The following GALNT13 variants were observed in gnomAD, a reference collection of about 807,000 sequenced individuals.
The protein encoded by GALNT13 is UDP-GalNAc:polypeptide N-acetylgalactosaminyltransferase 13.
GALNT13 carries 28 observed loss-of-function variants against 64.2 expected under a neutral mutation model. The observed-to-expected ratio is 0.44, with a 90% CI of 0.32 to 0.60. GALNT13 has a LOEUF of 0.60. Ranked by LOEUF, GALNT13 falls within the 20% of genes least tolerant of loss-of-function variation. The pLI is 0.05. For synonymous variants in GALNT13, 214 were observed against 224.6 expected (o/e 0.95, Z 0.42); for missense variants, 577 against 669.8 (o/e 0.86, Z 1.53).
the GALNT13 span, among the ~76,000 whole-genome samples, chr2:153,470,174 G>GA: frequency 6.6e-6 from 1 of 152,092 alleles, no homozygotes; most frequent in Non-Finnish European, 1.5e-5. Context: ...CTAGGCTTTG[G>GA]ATCCATTGAG....
the GALNT13 span, among the ~76,000 whole-genome samples, chr2:153,553,636 G>T: frequency 9.9e-5 from 15 of 152,214 alleles, no homozygotes; most frequent in Non-Finnish European, 2.2e-4. Context: ...AGAGTTTAAA[G>T]ATATAAAATT....
chr2:154,212,705 C>T (rs924845370), intron 4 of GALNT13, among the ~76,000 whole-genome samples: 1 of 151,976 alleles, frequency 6.6e-6, no homozygotes, highest in Non-Finnish European at 1.5e-5. Context: ...TGTTCCCCTC[C>T]TTCTTCCCCC....
the GALNT13 span, among the ~76,000 whole-genome samples, chr2:153,118,098 A>G: frequency 0.33 from 41,626 of 126,252 alleles, 6,116 homozygotes; most frequent in Middle Eastern, 0.4. Flanking sequence ...CTATAATGTC[A>G]CTATGTACCA....
the GALNT13 span, among the ~76,000 whole-genome samples, chr2:153,747,430 T>TG: frequency 7.2e-6 from 1 of 138,646 alleles, no homozygotes; most frequent in African/African-American, 2.9e-5. Context: ...TGGTTTTTTT[T>TG]TTTTTTTTTT....
At chr2:153,734,724 C>G in the GALNT13 span, among the ~76,000 whole-genome samples, 1 of 152,152 alleles carries the variant, frequency 6.6e-6, no homozygotes, top group Non-Finnish European at 1.5e-5. Flanking sequence ...GACTGTGACT[C>G]TAGATGCAAG....
the GALNT13 span, among the ~76,000 whole-genome samples, chr2:153,228,612 G>A: frequency 2.0e-5 from 3 of 151,958 alleles, no homozygotes; most frequent in Admixed American, 2.0e-4. Context: ...GGGCACAGTG[G>A]CTCTGTAATC....
the GALNT13 span, among the ~76,000 whole-genome samples, chr2:153,247,996 C>T: frequency 6.6e-6 from 1 of 152,154 alleles, no homozygotes; most frequent in African/African-American, 2.4e-5. Context: ...CAAACACCCT[C>T]CCAGGACTAA....
At chr2:154,181,993 C>T (rs1395810537) in intron 4 of GALNT13, among the ~76,000 whole-genome samples, 13 of 151,916 alleles carry the variant, frequency 8.6e-5, no homozygotes, top group Non-Finnish European at 1.5e-5. Flanking sequence ...ATAAGATTAA[C>T]AGTGATAACA....
intron 9 of GALNT13, among the ~76,000 whole-genome samples, chr2:154,311,394 G>A (rs201745843): frequency 3.3e-5 from 5 of 152,074 alleles, no homozygotes; most frequent in East Asian, 1.9e-4. Flanking sequence ...GGTAGGATCC[G>A]TGATGCCCCA....
At chr2:153,365,924 A>T in the GALNT13 span, among the ~76,000 whole-genome samples, 5 of 152,326 alleles carry the variant, frequency 3.3e-5, no homozygotes, top group Non-Finnish European at 7.4e-5. Context: ...TCATTCTACT[A>T]TAAAGACACA....
chr2:153,165,278 CATT>C, the GALNT13 span, among the ~76,000 whole-genome samples: 3 of 152,180 alleles, frequency 2.0e-5, no homozygotes, highest in African/African-American at 7.2e-5. Flanking sequence ...GGGAGAGAAA[CATT>C]ATACATCCCA....
the GALNT13 span, among the ~76,000 whole-genome samples, chr2:153,640,893 A>G: frequency 6.6e-6 from 1 of 152,278 alleles, no homozygotes; most frequent in South Asian, 2.1e-4. Context: ...TAATTCTGGG[A>G]AATTGTAAGG....
At chr2:153,437,982 T>C in the GALNT13 span, among the ~76,000 whole-genome samples, 1 of 152,250 alleles carries the variant, frequency 6.6e-6, no homozygotes, top group Non-Finnish European at 1.5e-5. Context: ...CCTTTCCATG[T>C]TTAGTGCTTC....
the GALNT13 span, among the ~76,000 whole-genome samples, chr2:153,638,669 C>T: frequency 6.6e-6 from 1 of 151,992 alleles, no homozygotes; most frequent in Non-Finnish European, 1.5e-5. Context: ...CACAGCCCAA[C>T]CCTAATCCTG....
At chr2:154,287,174 G>C in intron 8 of GALNT13, 1 of 1,480,762 alleles carries the variant, frequency 6.8e-7, no homozygotes, top group Non-Finnish European at 9.3e-7. Flanking sequence ...CAAACAATTG[G>C]CTCAGCAGGA....
the GALNT13 span, among the ~76,000 whole-genome samples, chr2:153,821,482 A>G: frequency 1.3e-5 from 2 of 152,192 alleles, no homozygotes; most frequent in East Asian, 1.9e-4. Flanking sequence ...CTTCTCCTGA[A>G]TGACTTTTGG....
chr2:153,487,624 A>G, the GALNT13 span, among the ~76,000 whole-genome samples: 1 of 152,222 alleles, frequency 6.6e-6, no homozygotes, highest in Non-Finnish European at 1.5e-5. Context: ...AAGAGCATGT[A>G]ATCCAGACTG....
At chr2:154,081,260 T>G (rs2105414506) in intron 3 of GALNT13, among the ~76,000 whole-genome samples, 1 of 151,746 alleles carries the variant, frequency 6.6e-6, no homozygotes, top group South Asian at 2.1e-4. Context: ...TTTTAAACCC[T>G]TTCCATATTT....
At chr2:153,691,839 T>C in the GALNT13 span, among the ~76,000 whole-genome samples, 2 of 152,178 alleles carry the variant, frequency 1.3e-5, no homozygotes, top group East Asian at 3.9e-4. Flanking sequence ...AATAAATAAA[T>C]ATATATACAT....
Sources: gnomAD v4.1 joint callset for allele counts (sites outside exome capture counted in the v4.1 genomes callset) on GRCh38, gnomAD v4.1.1 for gene constraint, MANE v1.5 for transcripts, NCBI Gene and HGNC (gene_info 2026-07-23, HGNC 2026-07-21) for gene names.